Variants in TAFA1 observed in about 807,000 individuals in gnomAD.
TAFA1 encodes the protein chemokine-like protein TAFA-1.
TAFA1 carries 4 observed loss-of-function variants against 18.5 expected under a neutral mutation model. The ratio of observed to expected loss-of-function variants is 0.22; its 90% CI spans 0.11 to 0.49. The LOEUF (loss-of-function observed/expected upper bound fraction) is 0.49. Ranked by LOEUF, TAFA1 falls within the 20% of genes least tolerant of loss-of-function variation. The pLI is 0.98. For synonymous variants in TAFA1, 56 were observed against 55.2 expected, an observed-to-expected ratio of 1.01 and a Z score of -0.06; for missense variants, 147 against 169.0, an observed-to-expected ratio of 0.87 and a Z score of 0.72.
chr3:68,405,776 G>A (rs13069007), intron 2 of TAFA1, among the ~76,000 whole-genome samples: 74,962 of 139,558 alleles, frequency 0.54, 19,859 homozygotes, highest in African/African-American at 0.63. Context: ...GAAAGAACAC[G>A]TTAGGCCCCC....
intron 3 of TAFA1, among the ~76,000 whole-genome samples, chr3:68,471,921 C>T (rs7653487): frequency 0.2 from 30,524 of 152,118 alleles, 3,874 homozygotes; most frequent in East Asian, 0.43. Context: ...AACTAACTTG[C>T]TTTTGATTTT....
intron 3 of TAFA1, among the ~76,000 whole-genome samples, chr3:68,516,228 C>T (rs2072918657): frequency 6.6e-6 from 1 of 152,112 alleles, no homozygotes; most frequent in Admixed American, 6.6e-5. Context: ...AGCTTTTTCT[C>T]TTTTATTGGT....
At position 68,117,705 on chromosome 3, in the gene TAFA1, T is replaced by C. The variant is rs189217683; in HGVS notation, c.118+110961T>C. Among the ~76,000 whole-genome samples the C allele has an allele frequency of 1.1e-3, 173 of 152,296 alleles. 2 individuals are homozygous for C. The highest frequency in any genetic ancestry group is 4.0e-3 in the African/African-American group (165 of 41,572). On this transcript the variant is annotated intron_variant, in intron 2 of 4. Transcript: ENST00000478136. ...TATAAATAGGGAACACAATAACAAA[T>C]AGCCTGAAAGTATAGTGGAATCACA... is the stretch of plus-strand genomic sequence containing the variant.
intron 3 of TAFA1, among the ~76,000 whole-genome samples, chr3:68,503,267 C>T (rs542082321): frequency 6.6e-6 from 1 of 152,100 alleles, no homozygotes; most frequent in Non-Finnish European, 1.5e-5. Context: ...GGATTTAGGT[C>T]CCATCCCCAC....
At chr3:68,259,478 T>A (rs998744833) in intron 2 of TAFA1, among the ~76,000 whole-genome samples, 1 of 152,138 alleles carries the variant, frequency 6.6e-6, no homozygotes, top group African/African-American at 2.4e-5. Context: ...GTGAAGAAAG[T>A]CATTGGTAGC....
At chr3:68,109,214 T>C (rs959660972) in intron 2 of TAFA1, among the ~76,000 whole-genome samples, 1 of 152,024 alleles carries the variant, frequency 6.6e-6, no homozygotes, top group Admixed American at 6.6e-5. Context: ...AGAAGGAAAT[T>C]GGGTTATATT....
intron 2 of TAFA1, among the ~76,000 whole-genome samples, chr3:68,131,339 A>G (rs2065534283): frequency 6.6e-6 from 1 of 152,058 alleles, no homozygotes; most frequent in Admixed American, 6.6e-5. Context: ...GCACACACAC[A>G]CATAAGAGGA....
chr3:68,072,760 G>T (rs1005700135), intron 2 of TAFA1, among the ~76,000 whole-genome samples: 6 of 152,084 alleles, frequency 3.9e-5, no homozygotes, highest in African/African-American at 1.4e-4. Flanking sequence ...ACACCTGTGG[G>T]GTGTCCCCAG....
chr3:68,442,048 A>C (rs1212209194), intron 3 of TAFA1, among the ~76,000 whole-genome samples: 1 of 152,052 alleles, frequency 6.6e-6, no homozygotes, highest in African/African-American at 2.4e-5. Flanking sequence ...TGCTGCTCCA[A>C]ATTCTTCCAG....
intron 2 of TAFA1, among the ~76,000 whole-genome samples, chr3:68,200,128 T>C (rs1325952633): frequency 6.6e-6 from 1 of 151,644 alleles, no homozygotes; most frequent in African/African-American, 2.4e-5. Context: ...GTGGATATGA[T>C]GAATTATATT....
intron 2 of TAFA1, among the ~76,000 whole-genome samples, chr3:68,075,561 A>G (rs2064812820): frequency 6.6e-6 from 1 of 152,228 alleles, no homozygotes; most frequent in South Asian, 2.1e-4. Context: ...AGAAGCAGCA[A>G]TTAAGATGTT....
At chr3:68,140,816 G>A (rs931141736) in intron 2 of TAFA1, among the ~76,000 whole-genome samples, 2 of 152,064 alleles carry the variant, frequency 1.3e-5, no homozygotes, top group East Asian at 1.9e-4. Flanking sequence ...ATTTGCCCAG[G>A]GCTTTAGAGC....
intron 2 of TAFA1, among the ~76,000 whole-genome samples, chr3:68,407,082 TCTCCGTG>T (rs1428514759): frequency 6.6e-6 from 1 of 152,140 alleles, no homozygotes; most frequent in Non-Finnish European, 1.5e-5. Flanking sequence ...AAATGCAGTT[TCTCCGTG>T]ATTAGCCTGG....
At chr3:68,319,595 T>TA (rs1267447287) in intron 2 of TAFA1, among the ~76,000 whole-genome samples, 1 of 152,268 alleles carries the variant, frequency 6.6e-6, no homozygotes, top group African/African-American at 2.4e-5. Flanking sequence ...GTCACATGGA[T>TA]ACGCATTGCT....
intron 2 of TAFA1, among the ~76,000 whole-genome samples, chr3:68,387,034 A>G (rs34947345): frequency 0.067 from 10,215 of 152,000 alleles, 403 homozygotes; most frequent in East Asian, 0.14. Context: ...TCAAAATTAA[A>G]TCCATACACT....
In TAFA1 at chr3:68,467,237, A is replaced by C. The variant is rs116787883; in HGVS notation, c.259+49817A>C. Among the ~76,000 whole-genome samples, 345 of 152,330 alleles carry C rather than the reference A, an allele frequency of 2.3e-3. 1 individual carries two copies. The highest frequency in any genetic ancestry group is 7.7e-3 in the African/African-American group (322 of 41,588). On this transcript the variant is annotated intron_variant, in intron 3 of 4. Coordinates refer to ENST00000478136, the MANE Select transcript of TAFA1 (RefSeq NM_213609.4). ...AATTTGTGCAGTTAATGCAGTCAACACAGGGTCCTGAGGTGACATACATCC... is the reference window on the plus strand; with the variant it reads ...AATTTGTGCAGTTAATGCAGTCAACCCAGGGTCCTGAGGTGACATACATCC...
At chr3:68,365,223 G>A (rs1160567411) in intron 2 of TAFA1, among the ~76,000 whole-genome samples, 1 of 152,142 alleles carries the variant, frequency 6.6e-6, no homozygotes, top group East Asian at 1.9e-4. Flanking sequence ...TCTTACCTAT[G>A]ATCCTAAATA....
In TAFA1 at chr3:68,508,447, TTTACTCTTC is replaced by T. The variant is rs1381160273; in HGVS notation, c.260-30305_260-30297del. Among the ~76,000 whole-genome samples the T allele has an allele frequency of 8.6e-5, 13 of 152,008 alleles. No individual in the cohort carries two copies. The East Asian group carries it at 2.5e-3, about 29-fold the overall frequency. ...GGGTGTCAAACTCTTCGTTATCTTATTTACTCTTCTTAGCAACTCTATGCTGTGGATACT... is the reference window on the plus strand; with the variant it reads ...GGGTGTCAAACTCTTCGTTATCTTATTTAGCAACTCTATGCTGTGGATACT... On this transcript the variant is annotated intron_variant, in intron 3 of 4. Coordinates refer to ENST00000478136, the MANE Select transcript of TAFA1 (RefSeq NM_213609.4).
chr3:68,032,451 C>T (rs1166395567), intron 2 of TAFA1, among the ~76,000 whole-genome samples: 1 of 152,150 alleles, frequency 6.6e-6, no homozygotes, highest in Non-Finnish European at 1.5e-5. Context: ...AAAAGAAACA[C>T]CACTGTGATG....
Sources: allele counts gnomAD v4.1 joint callset (sites outside exome capture counted in the v4.1 genomes callset), GRCh38; gene constraint gnomAD v4.1.1; transcripts MANE v1.5; gene names NCBI Gene and HGNC (gene_info 2026-07-23, HGNC 2026-07-21).